The following SV2C variants were observed in gnomAD, a reference collection of about 807,000 sequenced individuals.
SV2C encodes solute carrier family 22 member B3.
Under a neutral mutation model 79.7 loss-of-function variants are expected in SV2C, and 49 were observed. That is an observed-to-expected ratio of 0.61 (90% CI 0.49 to 0.78). The LOEUF (loss-of-function observed/expected upper bound fraction) is 0.78. Ranked by LOEUF, SV2C falls within the 30% of genes least tolerant of loss-of-function variation. The pLI is 0.00. For synonymous variants in SV2C, 334 were observed against 333.2 expected (o/e 1.00, Z -0.03); for missense variants, 833 against 912.9 (o/e 0.91, Z 1.13).
chr5:76,246,755 A>G (rs756508451), intron 4 of SV2C, among the ~76,000 whole-genome samples: 4 of 152,188 alleles, frequency 2.6e-5, no homozygotes, highest in African/African-American at 9.6e-5. Flanking sequence ...TTCCCTCCCC[A>G]TAGACACTAA....
intron 10 of SV2C, 141 bp from the exon 11 acceptor site, chr5:76,300,588 A>G: frequency 2.5e-6 from 2 of 796,006 alleles, no homozygotes; most frequent in South Asian, 3.6e-5. Context: ...CAGAAGACCC[A>G]AAAAGTCAAG....
chr5:75,976,856 C>T, the SV2C span, among the ~76,000 whole-genome samples: 13 of 152,186 alleles, frequency 8.5e-5, no homozygotes, highest in African/African-American at 3.1e-4. Context: ...TTTTGTAATT[C>T]GAAAAGCTAG....
At chr5:76,268,162 G>A (rs1746725254) in intron 4 of SV2C, among the ~76,000 whole-genome samples, 1 of 152,148 alleles carries the variant, frequency 6.6e-6, no homozygotes, top group Non-Finnish European at 1.5e-5. Flanking sequence ...TTGTACTATA[G>A]GCAGTTGTAT....
chr5:75,916,418 CCTCCTCTTCTTCCTCCCCTTCTCCT>C, the SV2C span, among the ~76,000 whole-genome samples: 1 of 144,434 alleles, frequency 6.9e-6, no homozygotes, highest in Non-Finnish European at 1.5e-5. Flanking sequence ...TCCTCCTCCA[CCTCCTCTTCTTCCTCCCCTTCTCCT>C]CTCCTCCTCC....
intron 2 of SV2C, among the ~76,000 whole-genome samples, chr5:76,179,761 C>G (rs887487597): frequency 6.6e-6 from 1 of 152,154 alleles, no homozygotes; most frequent in African/African-American, 2.4e-5. Flanking sequence ...AAGGTAGATC[C>G]CGCTATTTAT....
chr5:75,959,827 G>A, the SV2C span, among the ~76,000 whole-genome samples: 1 of 151,922 alleles, frequency 6.6e-6, no homozygotes, highest in African/African-American at 2.4e-5. Flanking sequence ...GAGGTAAAAG[G>A]AAAGATAAGA....
the SV2C span, among the ~76,000 whole-genome samples, chr5:75,927,496 GA>G: frequency 1.3e-5 from 2 of 151,906 alleles, no homozygotes; most frequent in African/African-American, 4.8e-5. Context: ...GGGATGGGGG[GA>G]GGGGGAAATG....
chr5:75,969,707 C>T, the SV2C span, among the ~76,000 whole-genome samples: 1 of 152,250 alleles, frequency 6.6e-6, no homozygotes, highest in South Asian at 2.1e-4. Context: ...GACTTAGACT[C>T]CCACTCAATA....
At chr5:76,245,297 A>G (rs995735391) in intron 4 of SV2C, among the ~76,000 whole-genome samples, 1 of 152,186 alleles carries the variant, frequency 6.6e-6, no homozygotes, top group African/African-American at 2.4e-5. Flanking sequence ...GAGGAAGAGG[A>G]AGAGGAAGGA....
At chr5:75,974,828 G>A in the SV2C span, among the ~76,000 whole-genome samples, 1 of 152,064 alleles carries the variant, frequency 6.6e-6, no homozygotes, top group South Asian at 2.1e-4. Flanking sequence ...TTTACTTTGT[G>A]CCAGAGGTTT....
chr5:76,109,852 A>G (rs962603316), intron 1 of SV2C, among the ~76,000 whole-genome samples: 2 of 152,142 alleles, frequency 1.3e-5, no homozygotes, highest in Admixed American at 1.3e-4. Flanking sequence ...ATCTATTTCT[A>G]TTGTTTTAGG....
intron 4 of SV2C, among the ~76,000 whole-genome samples, chr5:76,237,969 A>AACACACACACACACAC (rs200837649): frequency 2.2e-5 from 3 of 136,936 alleles, no homozygotes; most frequent in Admixed American, 2.1e-4. Context: ...CCAGAGGACT[A>AACACACACACACACAC]ACACACACAC....
intron 1 of SV2C, among the ~76,000 whole-genome samples, chr5:76,084,598 G>T (rs1014865845): frequency 1.3e-5 from 2 of 150,802 alleles, no homozygotes; most frequent in African/African-American, 4.9e-5. Flanking sequence ...GCTGAGCCAC[G>T]GGGGCTAGAG....
At chr5:75,914,164 G>T in the SV2C span, among the ~76,000 whole-genome samples, 2 of 152,064 alleles carry the variant, frequency 1.3e-5, no homozygotes, top group Admixed American at 6.6e-5. Context: ...GTACAATGAG[G>T]ATTTAAAGCC....
intron 4 of SV2C, among the ~76,000 whole-genome samples, chr5:76,275,338 T>C (rs1274758965): frequency 6.6e-6 from 1 of 151,830 alleles, no homozygotes; most frequent in Admixed American, 6.6e-5. Context: ...ATACAAAAAA[T>C]TAGCTGGGCA....
chr5:76,127,805 G>C (rs1258660560), intron 1 of SV2C, among the ~76,000 whole-genome samples: 1 of 152,132 alleles, frequency 6.6e-6, no homozygotes, highest in East Asian at 1.9e-4. Context: ...TGAAAGCCTA[G>C]CACCTTTGCC....
chr5:75,911,147 G>T, the SV2C span: 1 of 1,586,554 alleles, frequency 6.3e-7, no homozygotes, highest in South Asian at 1.1e-5. Flanking sequence ...GAGAAGGAAG[G>T]ATCTGAAGCA....
the SV2C span, among the ~76,000 whole-genome samples, chr5:75,851,188 A>G: frequency 6.6e-6 from 1 of 152,324 alleles, no homozygotes; most frequent in East Asian, 1.9e-4. Context: ...AGAAATTATC[A>G]TCTAACAGTA....
the SV2C span, among the ~76,000 whole-genome samples, chr5:76,056,629 T>TC: frequency 1.3e-4 from 19 of 145,850 alleles, no homozygotes; most frequent in African/African-American, 4.8e-4. Context: ...GCTTTCTTTT[T>TC]TTTTTTTTTT....
Sources: gnomAD v4.1 joint callset for allele counts (sites outside exome capture counted in the v4.1 genomes callset) on GRCh38, gnomAD v4.1.1 for gene constraint, MANE v1.5 for transcripts, NCBI Gene and HGNC (gene_info 2026-07-23, HGNC 2026-07-21) for gene names.